CRADD: variants seen among roughly 807,000 people sequenced by gnomAD.
The protein encoded by CRADD is death domain-containing protein CRADD.
CRADD carries 9 observed loss-of-function variants against 15.5 expected under a neutral mutation model. That is an observed-to-expected ratio of 0.58 (90% confidence interval 0.35 to 1.01). CRADD has a LOEUF of 1.01. Among genes scored for constraint, CRADD ranks in the 50% least tolerant of loss-of-function variants. CRADD has a pLI of 0.02. For missense variants in CRADD, 227 were observed against 250.3 expected, an observed-to-expected ratio of 0.91 and a Z score of 0.63; for synonymous variants, 118 against 107.6, an observed-to-expected ratio of 1.10 and a Z score of -0.60.
At position 93,850,416 on chromosome 12, in the gene CRADD, C is replaced by G. The variant is rs1166151741; in HGVS notation, c.*145C>G. 8 of 1,375,390 alleles carry G rather than the reference C, an allele frequency of 5.8e-6. 1 individual carries two copies. The highest frequency in any genetic ancestry group is 5.6e-5 in the South Asian group (3 of 53,564). The allele number at this position is 1,375,390 out of a possible 1,614,324, so 85.2% of individuals were successfully genotyped here. A position where few individuals can be genotyped will look rare whatever the true frequency, so the allele number is the denominator to read the frequency against. Reference sequence around the variant, plus strand: ...ATGGAAGGAGAAAACAGGGTTTCCACTAGACATTACTTGAAAGGCCAGATT... The same window carrying G: ...ATGGAAGGAGAAAACAGGGTTTCCAGTAGACATTACTTGAAAGGCCAGATT... On this transcript the variant is annotated 3_prime_UTR_variant, in exon 3 of 3. Transcript: ENST00000332896. This position sits in a 1 kb window ranked among gnomAD's most constrained non-coding sequence, Gnocchi z 4.0.
At position 93,806,321 on chromosome 12, in the gene CRADD, G is replaced by A. The variant is rs186438842; in HGVS notation, c.299-43649G>A. 2.6e-3 allele frequency among the ~76,000 whole-genome samples: 402 copies of A among 151,776 alleles called. 2 individuals are homozygous for A. The highest frequency in any genetic ancestry group is 9.1e-3 in the African/African-American group (377 of 41,432). On this transcript the variant is annotated intron_variant, in intron 2 of 2. Transcript: ENST00000332896. ...CAAAAAATTAGCTGGGCTTGGTGGC[G>A]CATGCCTGTAGTCCCAGCTACTCAG... is the stretch of plus-strand genomic sequence containing the variant.
At chr12:93,820,481 G>A (rs1264280099) in intron 2 of CRADD, among the ~76,000 whole-genome samples, 3 of 151,542 alleles carry the variant, frequency 2.0e-5, no homozygotes, top group East Asian at 1.9e-4. Context: ...CTCAGAAGGC[G>A]GAGCTTGCAG....
At chr12:93,712,165 G>A (rs1956085908) in intron 2 of CRADD, among the ~76,000 whole-genome samples, 1 of 152,110 alleles carries the variant, frequency 6.6e-6, no homozygotes, top group African/African-American at 2.4e-5. Flanking sequence ...TATAAAGGTG[G>A]GGTTAATGAA....
At chr12:93,852,524 C>G (rs1958235729), downstream of CRADD, among the ~76,000 whole-genome samples, 1 of 152,220 alleles carries the variant, frequency 6.6e-6, no homozygotes, top group African/African-American at 2.4e-5. Context: ...TGGCGGCAGC[C>G]CCTCCCTGGC....
chr12:93,894,280 G>A lies in CRADD; in HGVS notation c.*163G>A, dbSNP rs560451330. 88 of 557,978 alleles carry A rather than the reference G, an allele frequency of 1.6e-4. 1 individual carries two copies. The highest frequency in any genetic ancestry group is 1.4e-3 in the African/African-American group (73 of 52,116). 34.6% of individuals were successfully genotyped at this position (557,978 alleles called of 1,614,324 possible). On this transcript the variant is annotated 3_prime_UTR_variant, in exon 3 of 3. Transcript: ENST00000548483. ...TGTGTATGTGTGTGGGTGGGCGGGGGGCAGGGGATTATGTTGGCATCTAGT... is the reference window on the plus strand; with the variant it reads ...TGTGTATGTGTGTGGGTGGGCGGGGAGCAGGGGATTATGTTGGCATCTAGT...
At chr12:93,726,384 A>G (rs888793127) in intron 2 of CRADD, among the ~76,000 whole-genome samples, 4 of 152,160 alleles carry the variant, frequency 2.6e-5, no homozygotes, top group African/African-American at 4.8e-5. Flanking sequence ...GATTATAGGC[A>G]TAAGCCCCAG....
chr12:93,843,799 C>A (rs542329760), intron 2 of CRADD, among the ~76,000 whole-genome samples: 163 of 152,224 alleles, frequency 1.1e-3, no homozygotes, highest in Admixed American at 2.5e-3. Flanking sequence ...CAGCTCACTG[C>A]AACCTCTGCC....
chr12:93,854,535 G>A (rs371586755), downstream of CRADD, among the ~76,000 whole-genome samples: 18 of 152,316 alleles, frequency 1.2e-4, no homozygotes, highest in African/African-American at 3.6e-4. Flanking sequence ...AGAGAGGAGC[G>A]GAATAATTTG....
At chr12:93,681,530 A>G (rs1281304237) in intron 2 of CRADD, among the ~76,000 whole-genome samples, 1 of 152,196 alleles carries the variant, frequency 6.6e-6, no homozygotes, top group Non-Finnish European at 1.5e-5. Flanking sequence ...CACGGTGACA[A>G]TCACATAAAC....
intron 2 of CRADD, among the ~76,000 whole-genome samples, chr12:93,717,445 A>G (rs1378775009): frequency 6.6e-6 from 1 of 152,198 alleles, no homozygotes; most frequent in Non-Finnish European, 1.5e-5. Context: ...AGTCATCACC[A>G]TACCCATAAT....
At chr12:93,860,127 G>A (rs932574043) in intron 2 of CRADD, among the ~76,000 whole-genome samples, 5 of 98,330 alleles carry the variant, frequency 5.1e-5, no homozygotes, top group Admixed American at 1.9e-4. Context: ...AGAGGCCAAC[G>A]CAAATTTGAA....
chr12:93,683,338 G>A (rs1322243248), intron 2 of CRADD, among the ~76,000 whole-genome samples: 1 of 152,226 alleles, frequency 6.6e-6, no homozygotes, highest in African/African-American at 2.4e-5. Flanking sequence ...CTTCCTTTAA[G>A]CTTGGGAGTG....
In CRADD at chr12:93,824,263, G is replaced by T. The variant is rs191296007; in HGVS notation, c.299-25707G>T. Among the ~76,000 whole-genome samples, 121 of 152,184 alleles carry T rather than the reference G, an allele frequency of 8.0e-4. No homozygotes were observed. The highest frequency in any genetic ancestry group is 8.7e-4 in the Non-Finnish European group (59 of 68,008). On this transcript the variant is annotated intron_variant, in intron 2 of 2. Coordinates refer to ENST00000332896, the MANE Select transcript of CRADD (RefSeq NM_003805.5). This position sits in a 1 kb window ranked among gnomAD's most constrained non-coding sequence, Gnocchi z 4.3. ...TTTCCAATGCTTCCAGTAATGGATT[G>T]TGCAAAACACAAAGCCAAAAGCAGA...
chr12:93,722,925 A>C (rs1325350494), intron 2 of CRADD, among the ~76,000 whole-genome samples: 1 of 152,286 alleles, frequency 6.6e-6, no homozygotes, highest in Middle Eastern at 3.4e-3. Context: ...GATCACTCTT[A>C]AGTAGGCCTT....
intron 2 of CRADD, among the ~76,000 whole-genome samples, chr12:93,889,617 C>T (rs1202345892): frequency 6.6e-6 from 1 of 152,144 alleles, no homozygotes; most frequent in African/African-American, 2.4e-5. Flanking sequence ...CTCCATGGCT[C>T]CCAAGTCTCT....
At chr12:93,725,283 A>G (rs1344761757) in intron 2 of CRADD, among the ~76,000 whole-genome samples, 3 of 152,212 alleles carry the variant, frequency 2.0e-5, no homozygotes, top group Non-Finnish European at 4.4e-5. Context: ...TGTCTTAAGA[A>G]TAAAGCAATT....
At position 93,716,290 on chromosome 12, in the gene CRADD, C is replaced by T. The variant is rs144254072; in HGVS notation, c.298+37218C>T. ...TGAAGAATTGCTATATACTCCCTTC[C>T]CCTGCAGATGCACAGCTCCTCCCAC... On this transcript the variant is annotated intron_variant, in intron 2 of 2. Coordinates refer to ENST00000332896, the MANE Select transcript of CRADD (RefSeq NM_003805.5). 2.1e-3 allele frequency among the ~76,000 whole-genome samples: 326 copies of T among 152,182 alleles called. 3 individuals carry two copies. The highest frequency in any genetic ancestry group is 2.9e-3 in the Non-Finnish European group (198 of 68,002).
At chr12:93,827,326 C>T (rs370890727) in intron 2 of CRADD, among the ~76,000 whole-genome samples, 1 of 152,158 alleles carries the variant, frequency 6.6e-6, no homozygotes, top group South Asian at 2.1e-4. Flanking sequence ...ACAGCATTCT[C>T]TTTTGTCTGG....
chr12:93,792,081 T>A (rs1021424086), intron 2 of CRADD, among the ~76,000 whole-genome samples: 2 of 152,252 alleles, frequency 1.3e-5, no homozygotes, highest in South Asian at 4.1e-4. Context: ...ATTAGCCATA[T>A]ATAAGTAACC....
Sources: gnomAD v4.1 joint callset for allele counts (sites outside exome capture counted in the v4.1 genomes callset) on GRCh38, gnomAD v4.1.1 for gene constraint, Gnocchi (gnomAD v3.1) non-coding constraint, MANE v1.5 for transcripts, NCBI Gene and HGNC (gene_info 2026-07-23, HGNC 2026-07-21) for gene names.